CXXC4: variants seen among roughly 807,000 people sequenced by gnomAD.
CXXC4 encodes the protein CXXC finger protein 4.
In CXXC4, 5 loss-of-function variants were observed where a neutral mutation model predicts 20.5. The observed-to-expected ratio is 0.24, with a 90% CI of 0.13 to 0.51. The LOEUF (loss-of-function observed/expected upper bound fraction) is 0.51. Among genes scored for constraint, CXXC4 ranks in the 20% least tolerant of loss-of-function variants. The pLI, the probability that CXXC4 is intolerant of heterozygous loss-of-function variation, is 0.97. For missense variants in CXXC4, 419 were observed against 496.4 expected, an observed-to-expected ratio of 0.84 and a Z score of 1.48; for synonymous variants, 250 against 216.4, an observed-to-expected ratio of 1.16 and a Z score of -1.36.
At chr4:104,488,648 A>C (rs1369593944) in intron 2 of CXXC4, among the ~76,000 whole-genome samples, 1 of 152,190 alleles carries the variant, frequency 6.6e-6, no homozygotes, top group Non-Finnish European at 1.5e-5. Context: ...ATTTTTGTGC[A>C]TGAGAATTTT....
rs182205772 is a variant in CXXC4 at position 104,481,847 on chromosome 4, A to G, written c.1059+8897T>C. ...ATTCATGAATAGACAGCAAAGGTATAGACCTGCCTGGAATAAGTAAAAATA... is the reference window on the plus strand; with the variant it reads ...ATTCATGAATAGACAGCAAAGGTATGGACCTGCCTGGAATAAGTAAAAATA... On this transcript the variant is annotated intron_variant, in intron 2 of 2. Transcript: ENST00000394767. Among the ~76,000 whole-genome samples, 181 of 152,342 alleles carry G rather than the reference A, an allele frequency of 1.2e-3. No homozygotes were observed. In the Middle Eastern group the frequency reaches 0.017, roughly 14 times the overall value.
In CXXC4 at chr4:104,471,074, C is replaced by T. The variant is rs1490891267; in HGVS notation, c.*1248G>A. 6.6e-6 allele frequency: 1 copy of T among 151,976 alleles called. No homozygotes were observed. The highest frequency in any genetic ancestry group is 1.5e-5 in the Non-Finnish European group (1 of 67,956). 9.4% of individuals were successfully genotyped at this position (151,976 alleles called of 1,614,324 possible). The stretch of plus-strand genomic sequence containing the variant: ...GAAATGGCAGCAATGGAGCATTTTA[C>T]TGAAGGACCAGGGGAAGACCACTAG... On this transcript the variant is annotated 3_prime_UTR_variant, in exon 3 of 3. Coordinates refer to ENST00000394767, the MANE Select transcript of CXXC4 (RefSeq NM_025212.4).
intron 2 of CXXC4, among the ~76,000 whole-genome samples, chr4:104,476,636 GA>G (rs1238771487): frequency 6.6e-6 from 1 of 150,684 alleles, no homozygotes; most frequent in Non-Finnish European, 1.5e-5. Flanking sequence ...TCATGATTAT[GA>G]TACTAGAAAT....
At chr4:104,490,092 C>G (rs893310140) in intron 2 of CXXC4, among the ~76,000 whole-genome samples, 48 of 152,320 alleles carry the variant, frequency 3.2e-4, no homozygotes, top group African/African-American at 1.1e-3. Context: ...CACATCTCCT[C>G]AAAATTTGCA....
At chr4:104,472,996 C>G (rs969854289) in intron 2 of CXXC4, among the ~76,000 whole-genome samples, 12 of 151,814 alleles carry the variant, frequency 7.9e-5, no homozygotes, top group Admixed American at 7.2e-4. Flanking sequence ...ACCACCCTAC[C>G]AAAAATGCAA....
intron 2 of CXXC4, among the ~76,000 whole-genome samples, chr4:104,475,674 C>T (rs946077556): frequency 3.3e-5 from 5 of 152,052 alleles, no homozygotes; most frequent in African/African-American, 9.7e-5. Context: ...CACCAATGTG[C>T]GGGATTAAAT....
Position 104,470,300 on chromosome 4 carries a change from T to C in CXXC4, c.*2022A>G, listed in dbSNP as rs1465853456. 6.6e-6 allele frequency: 1 copy of C among 151,956 alleles called. No homozygotes were observed. The highest frequency in any genetic ancestry group is 2.4e-5 in the African/African-American group (1 of 41,420). The allele number at this position is 151,956 out of a possible 1,614,324, so 9.4% of individuals were successfully genotyped here. A position where few individuals can be genotyped will look rare whatever the true frequency, so the allele number is the denominator to read the frequency against. ...CAAAATTAATACAGTATACAGCACA[T>C]TTTAGCTTGTAATCATTTAATTCTC... On this transcript the variant is annotated 3_prime_UTR_variant, in exon 3 of 3. Coordinates refer to ENST00000394767, the MANE Select transcript of CXXC4 (RefSeq NM_025212.4).
chr4:104,489,845 A>G (rs1736794509), intron 2 of CXXC4, among the ~76,000 whole-genome samples: 1 of 152,212 alleles, frequency 6.6e-6, no homozygotes, highest in Non-Finnish European at 1.5e-5. Flanking sequence ...TTAAAGACCT[A>G]TAGGTAAAAG....
At chr4:104,476,690 T>C (rs1736415840) in intron 2 of CXXC4, among the ~76,000 whole-genome samples, 1 of 152,178 alleles carries the variant, frequency 6.6e-6, no homozygotes, top group African/African-American at 2.4e-5. Context: ...TATTTATTCA[T>C]ATACTTTCGA....
intron 2 of CXXC4, among the ~76,000 whole-genome samples, chr4:104,479,771 T>C (rs1366358347): frequency 4.2e-5 from 6 of 144,038 alleles, no homozygotes; most frequent in Non-Finnish European, 9.1e-5. Context: ...CCTTCCTTCC[T>C]TCCCTCCCTC....
intron 2 of CXXC4, among the ~76,000 whole-genome samples, chr4:104,488,298 C>T (rs2110278092): frequency 6.6e-6 from 1 of 152,260 alleles, no homozygotes; most frequent in Middle Eastern, 3.4e-3. Flanking sequence ...TTTTCACCTT[C>T]CTGCAATTCC....
At chr4:104,485,810 A>G (rs1017130779) in intron 2 of CXXC4, among the ~76,000 whole-genome samples, 3 of 152,082 alleles carry the variant, frequency 2.0e-5, no homozygotes, top group Admixed American at 2.0e-4. Flanking sequence ...CTATTTTATT[A>G]AATTGTTTTG....
intron 2 of CXXC4, among the ~76,000 whole-genome samples, chr4:104,479,346 T>C (rs560634361): frequency 2.0e-5 from 3 of 152,274 alleles, no homozygotes; most frequent in East Asian, 1.9e-4. Flanking sequence ...AATAAAGTAG[T>C]TACATTTAGC....
rs1450979455 is a variant in CXXC4, at chr4:104,491,721, C to A, written c.82G>T (p.Ala28Ser). The change falls in exon 2 of 3, where the codon GCT (alanine) becomes TCT (serine). Residue 28 changes from alanine to serine, a missense_variant. Around this residue, in one of 3 missense-constraint regions of CXXC4, gnomAD observed 388 missense variants for 416.0 expected, o/e 0.93. Coordinates refer to ENST00000394767, the MANE Select transcript of CXXC4 (RefSeq NM_025212.4). The stretch of plus-strand genomic sequence containing the variant: ...TTGTAATCCACAAGGCTGTTCAGAG[C>A]CCCCTCGGGCAAGTGGCTTTCCTTG... ...LPKESHLPEG[A>S]LNSLVDYNSE... The A allele has an allele frequency of 1.3e-6, 2 of 1,544,622 alleles. No individual in the cohort carries two copies. Among genetic ancestry groups the A allele is most frequent in the South Asian group, 2.4e-5 (2 of 83,378 alleles).
chr4:104,481,907 A>C (rs1045798124), intron 2 of CXXC4, among the ~76,000 whole-genome samples: 1 of 152,160 alleles, frequency 6.6e-6, no homozygotes, highest in Non-Finnish European at 1.5e-5. Context: ...TTTACTCTTT[A>C]TCTTGTTAAC....
At position 104,491,143 on chromosome 4, in the gene CXXC4, G is replaced by A. The variant is rs760660152; in HGVS notation, c.660C>T (p.Gly220=). 1.4e-5 allele frequency: 22 copies of A among 1,614,074 alleles called. No individual in the cohort carries two copies. The highest frequency in any genetic ancestry group is 1.9e-5 in the Non-Finnish European group (22 of 1,180,020). The change falls in exon 2 of 3, where the codon GGC becomes GGT. Residue 220 remains glycine (G), a synonymous_variant. Coordinates refer to ENST00000394767, the MANE Select transcript of CXXC4 (RefSeq NM_025212.4). ...AGECMNKLKC[G]AAEAEIMNLP... is the part of the protein sequence containing the mutation. ...GATTCATTATCTCTGCTTCAGCAGC[G>A]CCGCATTTGAGCTTGTTCATGCATT...
chr4:104,486,139 A>G (rs1736686886), intron 2 of CXXC4, among the ~76,000 whole-genome samples: 1 of 152,106 alleles, frequency 6.6e-6, no homozygotes, highest in Non-Finnish European at 1.5e-5. Context: ...ATTGCCATCT[A>G]AAACATGGCT....
Position 104,491,384 on chromosome 4 carries a change from G to A in CXXC4, c.419C>T (p.Ala140Val), listed in dbSNP as rs769747421. 1.5e-6 allele frequency: 2 copies of A among 1,337,800 alleles called. No individual in the cohort carries two copies. Among genetic ancestry groups the A allele is most frequent in the East Asian group, 2.8e-5 (1 of 35,512 alleles). The allele number at this position is 1,337,800 out of a possible 1,614,324, so 82.9% of individuals were successfully genotyped here. The change falls in exon 2 of 3, where the codon GCC becomes GTC. Residue 140 changes from alanine (A) to valine (V), a missense_variant. By Grantham distance (64) the Ala-to-Val change is moderately conservative. Coordinates refer to ENST00000394767, the MANE Select transcript of CXXC4 (RefSeq NM_025212.4). ...GGAGGAGGCGGAGGAGGAGGCGGCGGCGGAGGAGGATTTCCTGCCGCCCCC... is the reference window on the plus strand; with the variant it reads ...GGAGGAGGCGGAGGAGGAGGCGGCGACGGAGGAGGATTTCCTGCCGCCCCC... ...GGGGGRKSSS[A>V]AASSSASSSS...
intron 2 of CXXC4, 63 bp downstream of exon 2, chr4:104,490,681 A>T (rs1259107356): frequency 7.2e-7 from 1 of 1,386,050 alleles, no homozygotes; most frequent in Non-Finnish European, 1.0e-6. Flanking sequence ...AGAATCCCTG[A>T]AGGGGAGAGG....
Sources: allele counts gnomAD v4.1 joint callset (sites outside exome capture counted in the v4.1 genomes callset), GRCh38; gene constraint gnomAD v4.1.1; regional missense constraint gnomAD v4.1.1; transcripts MANE v1.5; gene names NCBI Gene and HGNC (gene_info 2026-07-23, HGNC 2026-07-21).